FAM219A: variants seen among roughly 807,000 people sequenced by gnomAD.
FAM219A encodes the protein family with sequence similarity 219 member A.
A neutral mutation model predicts 23.4 loss-of-function variants in FAM219A; 7 were observed. The ratio of observed to expected loss-of-function variants is 0.30; its 90% CI spans 0.17 to 0.56. FAM219A has a LOEUF of 0.56. FAM219A is among the 20% of genes least tolerant of loss of function. FAM219A has a pLI of 0.92. For missense variants in FAM219A, 166 were observed against 246.9 expected, an observed-to-expected ratio of 0.67 and a Z score of 2.20; for synonymous variants, 93 against 99.0, an observed-to-expected ratio of 0.94 and a Z score of 0.36.
chr9:34,422,278 T>C (rs1043374656), intron 1 of FAM219A, among the ~76,000 whole-genome samples: 1 of 152,246 alleles, frequency 6.6e-6, no homozygotes, highest in Admixed American at 6.5e-5. Context: ...TTTATCTATA[T>C]TATTTCATTG....
chr9:34,456,200 A>T (rs60080338), intron 1 of FAM219A, among the ~76,000 whole-genome samples: 1 of 152,174 alleles, frequency 6.6e-6, no homozygotes, highest in East Asian at 1.9e-4. Context: ...CTCAAAAAAA[A>T]AGAAAAAAAA....
Position 34,458,100 on chromosome 9 carries a change from C to G in FAM219A, c.60+104G>C. The stretch of plus-strand genomic sequence containing the variant: ...TACGTTTTCAGGGATCTCTTTGCCC[C>G]ATCCGATGGCGCCCCTCCGCACGAT... On this transcript the variant is annotated intron_variant, in intron 1 of 5. Coordinates refer to ENST00000651358, the MANE Select transcript of FAM219A (RefSeq NM_001184940.2). The surrounding 1 kb of genome is among the most constrained non-coding windows in gnomAD (Gnocchi z 6.6). 9.1e-7 allele frequency: 1 copy of G among 1,093,244 alleles called. No homozygotes were observed. The highest frequency in any genetic ancestry group is 1.2e-6 in the Non-Finnish European group (1 of 803,612). 67.7% of individuals were successfully genotyped at this position (1,093,244 alleles called of 1,614,324 possible). A position where few individuals can be genotyped will look rare whatever the true frequency, so the allele number is the denominator to read the frequency against.
chr9:34,442,174 AT>A (rs1823200436), intron 1 of FAM219A, among the ~76,000 whole-genome samples: 1 of 152,374 alleles, frequency 6.6e-6, no homozygotes, highest in Admixed American at 6.5e-5. Context: ...AAAAAGTTGA[AT>A]TTAAGTCTGA....
At chr9:34,428,988 A>G (rs945049684) in intron 1 of FAM219A, among the ~76,000 whole-genome samples, 3 of 152,154 alleles carry the variant, frequency 2.0e-5, no homozygotes, top group African/African-American at 7.2e-5. Flanking sequence ...TACATTGTCA[A>G]CGGCCCCATC....
At chr9:34,440,512 A>G (rs1823126749) in intron 1 of FAM219A, among the ~76,000 whole-genome samples, 1 of 152,056 alleles carries the variant, frequency 6.6e-6, no homozygotes, top group African/African-American at 2.4e-5. Flanking sequence ...ACCAGAAGGT[A>G]GTGATGTGTT....
intron 1 of FAM219A, among the ~76,000 whole-genome samples, chr9:34,449,867 G>T (rs757580652): frequency 6.6e-6 from 1 of 152,182 alleles, no homozygotes; most frequent in Non-Finnish European, 1.5e-5. Context: ...CTTTCCCAAA[G>T]AAATTTTTCT....
intron 1 of FAM219A, among the ~76,000 whole-genome samples, chr9:34,425,368 TA>T (rs1822420721): frequency 6.6e-6 from 1 of 151,996 alleles, no homozygotes; most frequent in African/African-American, 2.4e-5. Flanking sequence ...TAATCCCAGC[TA>T]CTCGGGAGGC....
chr9:34,421,044 G>GAGAGAT (rs770336544), intron 1 of FAM219A, among the ~76,000 whole-genome samples: 2 of 146,856 alleles, frequency 1.4e-5, no homozygotes, highest in Non-Finnish European at 3.0e-5. Flanking sequence ...GAGAGAGAGA[G>GAGAGAT]AATGGCTCTG....
Position 34,416,239 on chromosome 9 carries a change from GAAA to G in FAM219A, c.61-10278_61-10276del, listed in dbSNP as rs1564003299. Among the ~76,000 whole-genome samples the G allele has an allele frequency of 1.1e-4, 13 of 118,808 alleles. 1 individual carries two copies. Among genetic ancestry groups the G allele is most frequent in the African/African-American group, 4.1e-4 (13 of 31,422 alleles). The allele number at this position is 118,808 out of a possible 152,430, so 77.9% of individuals were successfully genotyped here. On this transcript the variant is annotated intron_variant, in intron 1 of 5. Transcript: ENST00000651358. ...AGAAAGAAAGAAAGAAAGAAAGAAA[GAAA>G]GAAAGAAAGAAAGAAAGGGGGAGGG...
intron 1 of FAM219A, among the ~76,000 whole-genome samples, chr9:34,416,190 A>AGAAG: frequency 4.0e-5 from 1 of 25,246 alleles, no homozygotes; most frequent in East Asian, 1.1e-3. Flanking sequence ...GAGAAAAGAA[A>AGAAG]GAAAGAAAGA....
chr9:34,411,438 C>T (rs1821816232), intron 1 of FAM219A, among the ~76,000 whole-genome samples: 2 of 151,760 alleles, frequency 1.3e-5, no homozygotes, highest in Admixed American at 6.6e-5. Context: ...GCCTGTAATC[C>T]TAGCACTTTG....
chr9:34,420,036 C>G (rs1822202970), intron 1 of FAM219A, among the ~76,000 whole-genome samples: 1 of 152,226 alleles, frequency 6.6e-6, no homozygotes, highest in African/African-American at 2.4e-5. Flanking sequence ...GCTCAGCTCT[C>G]TAGCCAGAGC....
intron 1 of FAM219A, among the ~76,000 whole-genome samples, chr9:34,435,065 C>T (rs2131988545): frequency 6.6e-6 from 1 of 152,322 alleles, no homozygotes; most frequent in East Asian, 1.9e-4. Context: ...AAGTGATCTG[C>T]CTGCCTCAGC....
intron 1 of FAM219A, among the ~76,000 whole-genome samples, chr9:34,431,394 A>T (rs1188047799): frequency 6.6e-6 from 1 of 152,176 alleles, no homozygotes; most frequent in Admixed American, 6.5e-5. Flanking sequence ...ACACACGCAT[A>T]TACATGCATG....
chr9:34,409,634 A>G (rs1236139382), intron 1 of FAM219A, among the ~76,000 whole-genome samples: 1 of 152,258 alleles, frequency 6.6e-6, no homozygotes, highest in Non-Finnish European at 1.5e-5. Flanking sequence ...GACAGGATAT[A>G]TAGGCTAATG....
chr9:34,444,214 G>C (rs1823286904), intron 1 of FAM219A, among the ~76,000 whole-genome samples: 1 of 152,186 alleles, frequency 6.6e-6, no homozygotes, highest in African/African-American at 2.4e-5. Flanking sequence ...GCTGCAATTT[G>C]CCTGCCAATG....
intron 1 of FAM219A, among the ~76,000 whole-genome samples, chr9:34,414,846 A>G (rs1447896989): frequency 6.6e-6 from 1 of 152,240 alleles, no homozygotes; most frequent in Non-Finnish European, 1.5e-5. Flanking sequence ...AATAAAGTCA[A>G]CACACTGAGT....
Position 34,401,675 on chromosome 9 carries a change from G to C in FAM219A, c.390C>G (p.Ser130=). ...AGGGGTAGGGGCTCACCTCAGCAGA[G>C]GAGTAGCCGGAGGAGGAGTATCTAG... is the stretch of plus-strand genomic sequence containing the variant. ...DMSRYSSSGY[S]SAEQINQDLN... is the part of the protein sequence containing the mutation. Residue 130 remains serine, a synonymous_variant, in exon 5 of 6, where the codon TCC becomes TCG. Transcript: ENST00000651358. 14 of 1,608,178 alleles carry C rather than the reference G, an allele frequency of 8.7e-6. No individual in the cohort carries two copies. The highest frequency in any genetic ancestry group is 1.2e-5 in the Non-Finnish European group (14 of 1,178,528).
rs1822081512 is a variant in FAM219A at position 34,417,547 on chromosome 9, A to T, written c.61-11583T>A. ...TAGGATCATTTCCTAAATAAAGTAG[A>T]TTACTCAGTAAAAAACATGAGTGCT... On this transcript the variant is annotated intron_variant, in intron 1 of 5. Transcript: ENST00000651358. The surrounding 1 kb of genome is among the most constrained non-coding windows in gnomAD (Gnocchi z 4.1). Among the ~76,000 whole-genome samples the T allele has an allele frequency of 6.6e-6, 1 of 152,240 alleles. No individual in the cohort carries two copies. Among genetic ancestry groups the T allele is most frequent in the Non-Finnish European group, 1.5e-5 (1 of 68,046 alleles).
Sources: allele counts gnomAD v4.1 joint callset (sites outside exome capture counted in the v4.1 genomes callset), GRCh38; gene constraint gnomAD v4.1.1; non-coding constraint Gnocchi (gnomAD v3.1); transcripts MANE v1.5; gene names NCBI Gene and HGNC (gene_info 2026-07-23, HGNC 2026-07-21).